The following CRHBP variants were observed in gnomAD, a reference collection of about 807,000 sequenced individuals.
CRHBP encodes the protein corticotropin releasing hormone binding protein.
CRHBP carries 19 observed loss-of-function variants against 34.9 expected under a neutral mutation model. The observed-to-expected ratio is 0.55, with a 90% confidence interval of 0.38 to 0.80. The LOEUF is 0.80. Among genes scored for constraint, CRHBP ranks in the 30% least tolerant of loss-of-function variants. CRHBP has a pLI of 0.00. For missense variants in CRHBP, 328 were observed against 409.2 expected (o/e 0.80, Z 1.71); for synonymous variants, 154 against 153.4 (o/e 1.00, Z -0.03).
chr5:76,955,908 CT>C, intron 4 of CRHBP, 45 bp downstream of exon 4: 1 of 1,557,484 alleles, frequency 6.4e-7, no homozygotes, highest in Non-Finnish European at 8.8e-7. Flanking sequence ...TATAGACCCG[CT>C]TTTTGAAAGT....
intron 3 of CRHBP, 93 bp downstream of exon 3, chr5:76,954,279 C>A: frequency 6.9e-7 from 1 of 1,444,774 alleles, no homozygotes; most frequent in Non-Finnish European, 9.3e-7. Context: ...GGCTGCTGAG[C>A]GTAGGTAGCC....
intron 5 of CRHBP, 61 bp downstream of exon 5, chr5:76,958,950 C>G (rs765392092): frequency 6.4e-7 from 1 of 1,561,852 alleles, no homozygotes; most frequent in Non-Finnish European, 8.7e-7. Context: ...AGAGCAGAAG[C>G]AATCATATAG....
At chr5:76,966,475 G>T (rs1231884237) in intron 6 of CRHBP, among the ~76,000 whole-genome samples, 1 of 152,216 alleles carries the variant, frequency 6.6e-6, no homozygotes, top group Non-Finnish European at 1.5e-5. Context: ...GGTGGAAGGG[G>T]AGGGTTGTAG....
chr5:76,963,840 G>C, intron 6 of CRHBP, among the ~76,000 whole-genome samples: 1 of 152,106 alleles, frequency 6.6e-6, no homozygotes. Flanking sequence ...GGATAATAAT[G>C]AAATAACTGT....
intron 4 of CRHBP, among the ~76,000 whole-genome samples, chr5:76,957,120 A>G (rs1020659703): frequency 2.0e-5 from 3 of 152,138 alleles, no homozygotes; most frequent in African/African-American, 4.8e-5. Flanking sequence ...GAGGAGGATC[A>G]CTTGAGCCCA....
chr5:76,978,951 G>T (rs927897615), intron 3 of CRHBP, among the ~76,000 whole-genome samples: 11 of 152,158 alleles, frequency 7.2e-5, no homozygotes, highest in Admixed American at 4.6e-4. Context: ...TTTGTAAAAA[G>T]AAGAGTCAAT....
downstream of CRHBP, among the ~76,000 whole-genome samples, chr5:76,973,895 C>T (rs929589685): frequency 1.3e-5 from 2 of 152,092 alleles, no homozygotes; most frequent in African/African-American, 2.4e-5. Context: ...TCTCTGCCTC[C>T]AGGGTTCAAG....
At chr5:76,973,189 T>C (rs1282272066), downstream of CRHBP, among the ~76,000 whole-genome samples, 1 of 152,242 alleles carries the variant, frequency 6.6e-6, no homozygotes, top group Non-Finnish European at 1.5e-5. Flanking sequence ...ACAATGGGCC[T>C]GTCTAAATCC....
chr5:76,962,622 G>GAA lies in CRHBP; in HGVS notation c.694-708_694-707dup, dbSNP rs774799876. Among the ~76,000 whole-genome samples the GAA allele has an allele frequency of 5.0e-5, 6 of 120,608 alleles. No homozygotes were observed. In the South Asian group the frequency reaches 1.1e-3, roughly 22 times the overall value. 79.1% of individuals were successfully genotyped at this position (120,608 alleles called of 152,430 possible). A position where few individuals can be genotyped will look rare whatever the true frequency, so the allele number is the denominator to read the frequency against. ...ATCAAGGACCCATCTCTACAAAATT[G>GAA]AAAAAAAAAAAAAAGGGGGAAGCAG... On this transcript the variant is annotated intron_variant, in intron 5 of 6. Transcript: ENST00000274368.
intron 3 of CRHBP, among the ~76,000 whole-genome samples, chr5:76,980,116 G>A (rs1315014637): frequency 4.0e-5 from 6 of 151,754 alleles, no homozygotes; most frequent in African/African-American, 1.2e-4. Flanking sequence ...TTAGCCGGGC[G>A]TGGTGGCGGG....
At position 76,968,970 on chromosome 5, in the gene CRHBP, A is replaced by C; in HGVS notation, c.*85A>C. The C allele has an allele frequency of 2.0e-6, 3 of 1,500,126 alleles. No homozygotes were observed. Among genetic ancestry groups the C allele is most frequent in the Non-Finnish European group, 1.8e-6 (2 of 1,099,388 alleles). The allele number at this position is 1,500,126 out of a possible 1,614,324, so 92.9% of individuals were successfully genotyped here. A position where few individuals can be genotyped will look rare whatever the true frequency, so the allele number is the denominator to read the frequency against. The stretch of plus-strand genomic sequence containing the variant: ...ATGATTTTGATGCACAACTAGTTAA[A>C]AGCCTTTCATACCAGTCAGTATTCC... On this transcript the variant is annotated 3_prime_UTR_variant, in exon 7 of 7. Coordinates refer to ENST00000274368, the MANE Select transcript of CRHBP (RefSeq NM_001882.4).
chr5:76,972,935 T>G (rs909970784), downstream of CRHBP, among the ~76,000 whole-genome samples: 5 of 152,166 alleles, frequency 3.3e-5, no homozygotes, highest in African/African-American at 1.2e-4. Flanking sequence ...GATATGATCC[T>G]CCACACCTTC....
chr5:76,961,445 A>G lies in CRHBP; in HGVS notation c.694-1898A>G, dbSNP rs1380919940. Among the ~76,000 whole-genome samples the G allele has an allele frequency of 3.9e-5, 6 of 152,306 alleles. No individual in the cohort carries two copies. The South Asian group carries it at 1.0e-3, about 26-fold the overall frequency. ...GTTGTAAGAGATGTTCCTCCTGGAC[A>G]TCCTCTACTCAAGGGAAAGGCAATT... On this transcript the variant is annotated intron_variant, in intron 5 of 6. Coordinates refer to ENST00000274368, the MANE Select transcript of CRHBP (RefSeq NM_001882.4).
At chr5:76,959,005 T>G (rs1486982152) in intron 5 of CRHBP, 116 bp downstream of exon 5, 7 of 1,037,632 alleles carry the variant, frequency 6.7e-6, no homozygotes, top group Non-Finnish European at 9.5e-6. Flanking sequence ...GTTGCTCTGA[T>G]GAACTCTTAA....
At position 76,955,794 on chromosome 5, in the gene CRHBP, ATCT is replaced by A; in HGVS notation, c.481_483del (p.Phe161del). On this transcript the variant is annotated inframe_deletion, in exon 4 of 7. Transcript: ENST00000274368. ...CAGATCTTCCCAGAATGTGGCCATG[ATCT>A]TCTTCCGAGTCCATGAACCAGGAAA... 1 of 1,614,202 alleles carries A rather than the reference ATCT, an allele frequency of 6.2e-7. No individual in the cohort carries two copies. Among genetic ancestry groups the A allele is most frequent in the Non-Finnish European group, 8.5e-7 (1 of 1,180,040 alleles).
At chr5:76,973,892 C>T (rs1190855458), downstream of CRHBP, among the ~76,000 whole-genome samples, 1 of 152,104 alleles carries the variant, frequency 6.6e-6, no homozygotes, top group African/African-American at 2.4e-5. Flanking sequence ...CAATCTCTGC[C>T]TCCAGGGTTC....
At chr5:76,959,697 C>T (rs1333346772) in intron 5 of CRHBP, among the ~76,000 whole-genome samples, 1 of 152,188 alleles carries the variant, frequency 6.6e-6, no homozygotes, top group Non-Finnish European at 1.5e-5. Flanking sequence ...TATCCAATTT[C>T]CTTTAAGCCC....
intron 3 of CRHBP, 141 bp downstream of exon 3, chr5:76,954,327 G>A (rs377735644): frequency 5.8e-6 from 6 of 1,037,486 alleles, no homozygotes; most frequent in East Asian, 2.6e-5. Context: ...TGCCCGAGTC[G>A]GAGAGGCGCG....
chr5:76,973,807 C>CTATTTTATTT (rs10658534), downstream of CRHBP, among the ~76,000 whole-genome samples: 69,774 of 150,766 alleles, frequency 0.46, 17,117 homozygotes, highest in African/African-American at 0.62. Flanking sequence ...CTCTTGCTTG[C>CTATTTTATTT]TATTTTATTT....
Sources: gnomAD v4.1 joint callset for allele counts (sites outside exome capture counted in the v4.1 genomes callset) on GRCh38, gnomAD v4.1.1 for gene constraint, MANE v1.5 for transcripts, NCBI Gene and HGNC (gene_info 2026-07-23, HGNC 2026-07-21) for gene names.